The following CAST variants were observed in gnomAD, a reference collection of about 807,000 sequenced individuals.
CAST encodes MIR583 host.
In CAST, 76 loss-of-function variants were observed where a neutral mutation model predicts 119.6. That is an observed-to-expected ratio of 0.64 (90% CI 0.53 to 0.77). CAST has a LOEUF of 0.77. Ranked by LOEUF, CAST falls within the 30% of genes least tolerant of loss-of-function variation. CAST has a pLI of 0.00. For missense variants in CAST, 953 were observed against 946.5 expected (o/e 1.01, Z -0.09); for synonymous variants, 319 against 331.6 (o/e 0.96, Z 0.41).
At chr5:96,667,209 A>G (rs1289799634) in intron 1 of CAST, among the ~76,000 whole-genome samples, 2 of 152,234 alleles carry the variant, frequency 1.3e-5, no homozygotes, top group Non-Finnish European at 1.5e-5. Context: ...CTAAAAATGT[A>G]TGAAATTTGT....
the CAST span, among the ~76,000 whole-genome samples, chr5:96,487,396 C>T: frequency 7.9e-5 from 12 of 152,198 alleles, no homozygotes; most frequent in Admixed American, 3.9e-4. Flanking sequence ...ATCACTATTT[C>T]GGAATCCCAT....
At chr5:96,750,776 A>T in intron 20 of CAST, 94 bp downstream of exon 20, 1 of 631,172 alleles carries the variant, frequency 1.6e-6, no homozygotes, top group Non-Finnish European at 2.8e-6. Context: ...ATTTTATCTT[A>T]TCCTGACAAA....
At chr5:96,753,522 C>G (rs1216299543) in intron 20 of CAST, among the ~76,000 whole-genome samples, 1 of 152,174 alleles carries the variant, frequency 6.6e-6, no homozygotes, top group East Asian at 1.9e-4. Context: ...TCTCACTGTG[C>G]CATTCAGGTT....
At chr5:96,032,593 A>G in the CAST span, among the ~76,000 whole-genome samples, 1 of 152,106 alleles carries the variant, frequency 6.6e-6, no homozygotes, top group African/African-American at 2.4e-5. Flanking sequence ...CTTTCCTTCA[A>G]GATATCCAAG....
chr5:96,553,301 T>C (rs1423937171), intron 1 of CAST, among the ~76,000 whole-genome samples: 1 of 152,116 alleles, frequency 6.6e-6, no homozygotes, highest in African/African-American at 2.4e-5. Context: ...ACAGAACCAA[T>C]GACAAAAACC....
intron 1 of CAST, among the ~76,000 whole-genome samples, chr5:96,573,890 C>T (rs1241392154): frequency 1.3e-5 from 2 of 152,058 alleles, no homozygotes; most frequent in African/African-American, 2.4e-5. Context: ...TTGTTTCTGG[C>T]CTGTTTTGAT....
At chr5:96,726,682 G>A in intron 4 of CAST, 112 bp from the exon 5 acceptor site, 1 of 695,198 alleles carries the variant, frequency 1.4e-6, no homozygotes, top group Non-Finnish European at 2.5e-6. Context: ...GCATCGAGTA[G>A]ATGCAATAGA....
chr5:96,400,002 C>T, the CAST span: 72 of 1,614,082 alleles, frequency 4.5e-5, no homozygotes, highest in Middle Eastern at 9.9e-4. Context: ...TTCTCAGGCA[C>T]GCTCCTCCAG....
rs138017033 is a variant in CAST at position 96,693,533 on chromosome 5, T to C, written c.139-2303T>C. Among the ~76,000 whole-genome samples the C allele has an allele frequency of 6.1e-4, 93 of 152,352 alleles. 1 individual carries two copies. Among genetic ancestry groups the C allele is most frequent in the Non-Finnish European group, 8.5e-4 (58 of 68,026 alleles). ...AATTGTAGCTAAGATCAAAAGCTAA[T>C]AGCTGGAGTTTGGGACAGCTGTGTC... On this transcript the variant is annotated intron_variant, in intron 2 of 31. Transcript: ENST00000675179.
At chr5:96,435,774 G>C in the CAST span, among the ~76,000 whole-genome samples, 1 of 152,164 alleles carries the variant, frequency 6.6e-6, no homozygotes, top group Non-Finnish European at 1.5e-5. Flanking sequence ...ATACAGCTAA[G>C]CATTCATTAA....
chr5:96,410,653 T>C, the CAST span: 1 of 849,876 alleles, frequency 1.2e-6, no homozygotes, highest in Non-Finnish European at 2.0e-6. Flanking sequence ...GTGTGAGTTC[T>C]CCCAACTGAG....
At chr5:96,700,833 T>C (rs1259850215) in intron 3 of CAST, among the ~76,000 whole-genome samples, 1 of 152,118 alleles carries the variant, frequency 6.6e-6, no homozygotes, top group Non-Finnish European at 1.5e-5. Context: ...GGGATTGTGA[T>C]GGCCACAGCA....
the CAST span, among the ~76,000 whole-genome samples, chr5:96,233,260 C>T: frequency 9.2e-5 from 14 of 152,108 alleles, no homozygotes; most frequent in Middle Eastern, 3.4e-3. Flanking sequence ...TGCAAACTTT[C>T]GTGGAATTGA....
the CAST span, among the ~76,000 whole-genome samples, chr5:96,296,595 C>A: frequency 1.3e-5 from 2 of 152,130 alleles, no homozygotes; most frequent in East Asian, 3.9e-4. Context: ...TGCAAAACAA[C>A]CTGAAGAGTG....
intron 1 of CAST, among the ~76,000 whole-genome samples, chr5:96,536,314 G>A (rs552302768): frequency 5.4e-4 from 82 of 152,190 alleles, no homozygotes; most frequent in South Asian, 2.9e-3. Context: ...AGCCGAGATC[G>A]TGCCACTGTA....
At chr5:96,171,675 G>C in the CAST span, among the ~76,000 whole-genome samples, 1 of 152,352 alleles carries the variant, frequency 6.6e-6, no homozygotes, top group South Asian at 2.1e-4. Flanking sequence ...GTCTTTACCA[G>C]AAAATGAAGG....
the CAST span, among the ~76,000 whole-genome samples, chr5:96,166,808 G>C: frequency 3.9e-5 from 6 of 152,202 alleles, no homozygotes; most frequent in African/African-American, 1.4e-4. Context: ...ACATAATTTT[G>C]GGTGTTATAT....
At chr5:96,404,004 G>T in the CAST span, among the ~76,000 whole-genome samples, 1 of 152,088 alleles carries the variant, frequency 6.6e-6, no homozygotes, top group African/African-American at 2.4e-5. Context: ...AAATTATTCT[G>T]ATTCTTTTGA....
intron 3 of CAST, among the ~76,000 whole-genome samples, chr5:96,698,147 C>T (rs1324361946): frequency 6.6e-6 from 1 of 152,200 alleles, no homozygotes; most frequent in African/African-American, 2.4e-5. Context: ...TGGAAAACCA[C>T]ACCCAGTTTT....
Sources: gnomAD v4.1 joint callset for allele counts (sites outside exome capture counted in the v4.1 genomes callset) on GRCh38, gnomAD v4.1.1 for gene constraint, MANE v1.5 for transcripts, NCBI Gene and HGNC (gene_info 2026-07-23, HGNC 2026-07-21) for gene names.